NRG4: variants seen among roughly 807,000 people sequenced by gnomAD.
The protein encoded by NRG4 is neuregulin 4.
NRG4 carries 10 observed loss-of-function variants against 15.0 expected under a neutral mutation model. The observed-to-expected ratio is 0.67, with a 90% CI of 0.41 to 1.13. The LOEUF (loss-of-function observed/expected upper bound fraction) is 1.13. Ranked by LOEUF, NRG4 falls within the 50% of genes most tolerant of loss-of-function variation. NRG4 has a pLI of 0.00. For synonymous variants in NRG4, 41 were observed against 50.1 expected (o/e 0.82, Z 0.77); for missense variants, 139 against 140.2 (o/e 0.99, Z 0.04).
intron 5 of NRG4, among the ~76,000 whole-genome samples, chr15:75,948,985 A>G (rs1373607716): frequency 6.6e-6 from 1 of 152,206 alleles, no homozygotes; most frequent in Non-Finnish European, 1.5e-5. Flanking sequence ...CAGGAGCTCA[A>G]GGTTGCAGTG....
intron 2 of NRG4, among the ~76,000 whole-genome samples, chr15:76,010,458 GA>G (rs2034769031): frequency 6.6e-6 from 1 of 152,052 alleles, no homozygotes; most frequent in Admixed American, 6.6e-5. Flanking sequence ...CTATGAGTCA[GA>G]TATCTCCACA....
At chr15:75,938,970 G>A (rs185293957), downstream of NRG4, 8 of 152,072 alleles carry the variant, frequency 5.3e-5, no homozygotes, top group East Asian at 1.5e-3. Context: ...CTGCTAAAAG[G>A]GAAATTTGTA....
chr15:76,040,419 T>G (rs140496598), intron 4 of NRG4, among the ~76,000 whole-genome samples: 37 of 152,058 alleles, frequency 2.4e-4, no homozygotes, highest in Non-Finnish European at 4.7e-4. Context: ...CTACAAGAAA[T>G]GCTAAAGGGA....
intron 4 of NRG4, among the ~76,000 whole-genome samples, chr15:75,956,445 GGACATTTTTGAGGTAAC>G (rs2032246756): frequency 6.6e-6 from 1 of 152,034 alleles, no homozygotes. Context: ...AAGTAATTTT[GGACATTTTTGAGGTAAC>G]AGTACATCAG....
intron 3 of NRG4, among the ~76,000 whole-genome samples, chr15:75,982,446 A>G (rs1477542338): frequency 1.3e-5 from 2 of 152,328 alleles, no homozygotes; most frequent in South Asian, 2.1e-4. Flanking sequence ...GATTTAAAAC[A>G]ATAAGTGGAA....
At chr15:75,984,354 C>G (rs531721590) in intron 3 of NRG4, among the ~76,000 whole-genome samples, 2 of 152,002 alleles carry the variant, frequency 1.3e-5, no homozygotes, top group African/African-American at 2.4e-5. Flanking sequence ...TAAAACTGCC[C>G]TTTAAAAGGG....
chr15:76,007,719 G>A (rs569721817), intron 3 of NRG4, among the ~76,000 whole-genome samples: 113 of 152,182 alleles, frequency 7.4e-4, no homozygotes, highest in Admixed American at 2.7e-3. Context: ...GTGAGCCACC[G>A]CGCCCAACCT....
At chr15:76,045,498 G>T (rs747886682) in intron 4 of NRG4, among the ~76,000 whole-genome samples, 1 of 150,952 alleles carries the variant, frequency 6.6e-6, no homozygotes, top group South Asian at 2.1e-4. Context: ...AGCACTATTC[G>T]CAAGAGCTAA....
At chr15:75,935,990 T>C (rs1305524607), downstream of NRG4, 4 of 152,138 alleles carry the variant, frequency 2.6e-5, no homozygotes, top group African/African-American at 9.7e-5. Context: ...GGTTTCACCG[T>C]GTTAGCCAAG....
At chr15:75,971,547 G>C (rs1038286062) in intron 3 of NRG4, among the ~76,000 whole-genome samples, 1 of 152,084 alleles carries the variant, frequency 6.6e-6, no homozygotes, top group Admixed American at 6.5e-5. Flanking sequence ...ATTCAGAAAG[G>C]CCTTTCCCTC....
At chr15:75,961,020 C>A (rs1055035466) in intron 4 of NRG4, among the ~76,000 whole-genome samples, 6 of 152,096 alleles carry the variant, frequency 3.9e-5, no homozygotes, top group Admixed American at 2.6e-4. Flanking sequence ...TACTATTTTA[C>A]CTATATGTTA....
At chr15:76,033,893 A>C (rs1336840692) in intron 5 of NRG4, among the ~76,000 whole-genome samples, 2 of 152,218 alleles carry the variant, frequency 1.3e-5, no homozygotes, top group African/African-American at 4.8e-5. Context: ...CTGTAGCAAT[A>C]AGTTTTAAAA....
At chr15:75,983,637 T>C (rs191585758) in intron 3 of NRG4, among the ~76,000 whole-genome samples, 1 of 152,160 alleles carries the variant, frequency 6.6e-6, no homozygotes, top group Non-Finnish European at 1.5e-5. Flanking sequence ...CTACAAATAG[T>C]AACATAACTC....
chr15:76,021,951 C>T (rs2035167616), intron 5 of NRG4, among the ~76,000 whole-genome samples: 1 of 152,170 alleles, frequency 6.6e-6, no homozygotes, highest in Non-Finnish European at 1.5e-5. Context: ...TACCTCAGGT[C>T]ATCTGGCATT....
chr15:76,047,973 T>G (rs986768139), intron 4 of NRG4, among the ~76,000 whole-genome samples: 1 of 147,974 alleles, frequency 6.8e-6, no homozygotes, highest in Non-Finnish European at 1.5e-5. Context: ...CTGGGCAACA[T>G]AGTGAGACCA....
At position 76,001,368 on chromosome 15, in the gene NRG4, A is replaced by G. The variant is rs145524982; in HGVS notation, c.104+7832T>C. Among the ~76,000 whole-genome samples the G allele has an allele frequency of 7.4e-3, 1,122 of 152,320 alleles. 6 individuals are homozygous for G. The highest frequency in any genetic ancestry group is 0.012 in the Non-Finnish European group (813 of 68,018). Reference sequence around the variant, plus strand: ...TTTGTAGTAATATATTTTCACTTCAATATATCCAAAATATTATCATTTCAA... The same window carrying G: ...TTTGTAGTAATATATTTTCACTTCAGTATATCCAAAATATTATCATTTCAA... On this transcript the variant is annotated intron_variant, in intron 3 of 5. Coordinates refer to ENST00000394907, the MANE Select transcript of NRG4 (RefSeq NM_138573.4).
chr15:76,054,844 A>C (rs977448477), intron 2 of NRG4, among the ~76,000 whole-genome samples: 2 of 152,248 alleles, frequency 1.3e-5, no homozygotes, highest in African/African-American at 4.8e-5. Flanking sequence ...AAAATAAAAA[A>C]CACATATGCC....
chr15:76,005,383 TAA>T (rs71140191), intron 3 of NRG4, among the ~76,000 whole-genome samples: 117 of 120,932 alleles, frequency 9.7e-4, no homozygotes, highest in African/African-American at 2.2e-3. Context: ...CTCCGTCTCT[TAA>T]AAAAAAAAAA....
At chr15:75,944,256 C>CT (rs1286692113) in intron 5 of NRG4, among the ~76,000 whole-genome samples, 1 of 152,134 alleles carries the variant, frequency 6.6e-6, no homozygotes, top group East Asian at 1.9e-4. Context: ...ACCACCTACT[C>CT]CATACAGTTG....
Sources: gnomAD v4.1 joint callset for allele counts (sites outside exome capture counted in the v4.1 genomes callset) on GRCh38, gnomAD v4.1.1 for gene constraint, MANE v1.5 for transcripts, NCBI Gene and HGNC (gene_info 2026-07-23, HGNC 2026-07-21) for gene names.